Variants in CD4 observed in about 807,000 individuals in gnomAD.
CD4 encodes the protein CD4 molecule.
Under a neutral mutation model 50.5 loss-of-function variants are expected in CD4, and 25 were observed. The ratio of observed to expected loss-of-function variants is 0.49; its 90% confidence interval spans 0.36 to 0.69. CD4 has a LOEUF of 0.69. Ranked by LOEUF, CD4 falls within the 30% of genes least tolerant of loss-of-function variation. CD4 has a pLI of 0.00. For synonymous variants in CD4, 207 were observed against 221.9 expected, an observed-to-expected ratio of 0.93 and a Z score of 0.60; for missense variants, 456 against 548.5, an observed-to-expected ratio of 0.83 and a Z score of 1.68.
rs34744701 is a variant in CD4 at position 6,819,841 on chromosome 12, A to G, written c.*512A>G. The stretch of plus-strand genomic sequence containing the variant: ...CCCCATGCTGCCCGCTTCTCACCCT[A>G]TGTGGGTGGGACCACAGACTCACAT... On this transcript the variant is annotated 3_prime_UTR_variant, in exon 10 of 10. Transcript: ENST00000011653. 1.2e-5 allele frequency: 2 copies of G among 162,308 alleles called. No homozygotes were observed. The highest frequency in any genetic ancestry group is 4.8e-5 in the African/African-American group (2 of 41,706). 10.1% of individuals were successfully genotyped at this position (162,308 alleles called of 1,614,324 possible).
chr12:6,816,432 C>A lies in CD4; in HGVS notation c.955+29C>A. On this transcript the variant is annotated intron_variant, in intron 6 of 9. Coordinates refer to ENST00000011653, the MANE Select transcript of CD4 (RefSeq NM_000616.5). The surrounding 1 kb of genome is among the most constrained non-coding windows in gnomAD (Gnocchi z 4.9). ...AGGGGCCAGGCCAGGGAGGGGTGGGCAGGGGAAGGAGTTGGAGGGGCCTGG... is the reference window on the plus strand; with the variant it reads ...AGGGGCCAGGCCAGGGAGGGGTGGGAAGGGGAAGGAGTTGGAGGGGCCTGG... The A allele has an allele frequency of 2.0e-6, 3 of 1,538,140 alleles. No homozygotes were observed. Among genetic ancestry groups the A allele is most frequent in the Non-Finnish European group, 2.7e-6 (3 of 1,125,232 alleles).
chr12:6,816,517 CT>C lies in CD4; in HGVS notation c.955+115del. Reference sequence around the variant, plus strand: ...GAGGGGATGCCTAGGCCCTGGTCACCTGGATGAAGTGAGGGAGGGCCCTCTG... The same window carrying C: ...GAGGGGATGCCTAGGCCCTGGTCACCGGATGAAGTGAGGGAGGGCCCTCTG... On this transcript the variant is annotated intron_variant, in intron 6 of 9. Transcript: ENST00000011653. The surrounding 1 kb of genome is among the most constrained non-coding windows in gnomAD (Gnocchi z 4.9). The C allele has an allele frequency of 1.2e-6, 1 of 863,190 alleles. No homozygotes were observed. The highest frequency in any genetic ancestry group is 1.8e-6 in the Non-Finnish European group (1 of 566,042). 53.5% of individuals were successfully genotyped at this position (863,190 alleles called of 1,614,324 possible).
Position 6,794,775 on chromosome 12 carries a change from G to GTTTT in CD4, c.-68+5120_-68+5123dup, listed in dbSNP as rs763211966. 5.8e-4 allele frequency among the ~76,000 whole-genome samples: 65 copies of GTTTT among 112,520 alleles called. 1 individual carries two copies. The highest frequency in any genetic ancestry group is 8.5e-4 in the East Asian group (3 of 3,518). 73.8% of individuals were successfully genotyped at this position (112,520 alleles called of 152,430 possible). On this transcript the variant is annotated intron_variant, in intron 1 of 9. Transcript: ENST00000011653. ...ATCTAATCTATCTGTCTGTATGTCT[G>GTTTT]TTTTTTTTTTGTTTTTTTTTTTTTT...
At chr12:6,808,893 TG>T (rs1157813576) in intron 3 of CD4, among the ~76,000 whole-genome samples, 33 of 151,688 alleles carry the variant, frequency 2.2e-4, no homozygotes, top group South Asian at 8.3e-4. Context: ...TTAAAACTTT[TG>T]GGGGGGGCAA....
At chr12:6,809,658 C>T (rs1942879106) in intron 3 of CD4, among the ~76,000 whole-genome samples, 1 of 152,132 alleles carries the variant, frequency 6.6e-6, no homozygotes, top group African/African-American at 2.4e-5. Flanking sequence ...CCCCCTGCTG[C>T]AGCATTGCCT....
In CD4 at chr12:6,818,304, C is replaced by A. The variant is rs12226953; in HGVS notation, c.1157-117C>A. ...TTGAGAGCCCCCAGGCACCCCTCCCCTCTCCCCCAACCCCAGGGTCAAACC... is the reference window on the plus strand; with the variant it reads ...TTGAGAGCCCCCAGGCACCCCTCCCATCTCCCCCAACCCCAGGGTCAAACC... On this transcript the variant is annotated intron_variant, in intron 7 of 9. Coordinates refer to ENST00000011653, the MANE Select transcript of CD4 (RefSeq NM_000616.5). This position sits in a 1 kb window ranked among gnomAD's most constrained non-coding sequence, Gnocchi z 5.0. 7.5e-7 allele frequency: 1 copy of A among 1,339,342 alleles called. No homozygotes were observed. 83.0% of individuals were successfully genotyped at this position (1,339,342 alleles called of 1,614,324 possible).
At chr12:6,817,795 C>T (rs989558829) in intron 7 of CD4, among the ~76,000 whole-genome samples, 1 of 147,202 alleles carries the variant, frequency 6.8e-6, no homozygotes, top group African/African-American at 2.5e-5. Context: ...CCCACACTCT[C>T]ACCCCATGTA....
chr12:6,790,001 T>G (rs1942105440), intron 1 of CD4, among the ~76,000 whole-genome samples: 1 of 151,476 alleles, frequency 6.6e-6, no homozygotes, highest in African/African-American at 2.4e-5. Context: ...GGAAGGCAAC[T>G]AGTCGTGGGC....
intron 3 of CD4, among the ~76,000 whole-genome samples, chr12:6,808,105 C>G (rs1378382080): frequency 8.1e-6 from 1 of 122,750 alleles, no homozygotes; most frequent in African/African-American, 3.0e-5. Context: ...AAAAAAAAAG[C>G]AGGCAGGCAG....
intron 7 of CD4, 72 bp downstream of exon 7, chr12:6,817,402 A>C: frequency 7.5e-7 from 1 of 1,328,352 alleles, no homozygotes. Context: ...GAGACCACCC[A>C]GAGTCCCGGC....
rs566605614 is a variant in CD4 at position 6,790,479 on chromosome 12, TAA to T, written c.-68+820_-68+821del. On this transcript the variant is annotated intron_variant, in intron 1 of 9. Coordinates refer to ENST00000011653, the MANE Select transcript of CD4 (RefSeq NM_000616.5). ...CTGAGCTTTTGCGTATGAATTGCCC[TAA>T]AAGTTGCAGATACATATCTTTAGAT... 2.2e-3 allele frequency among the ~76,000 whole-genome samples: 342 copies of T among 152,346 alleles called. 3 individuals carry two copies. Among genetic ancestry groups the T allele is most frequent in the African/African-American group, 7.9e-3 (327 of 41,586 alleles).
chr12:6,795,129 T>C (rs1942333968), intron 1 of CD4, among the ~76,000 whole-genome samples: 1 of 151,974 alleles, frequency 6.6e-6, no homozygotes, highest in African/African-American at 2.4e-5. Flanking sequence ...TCTATCTATC[T>C]ATCTATCTAA....
At position 6,816,174 on chromosome 12, in the gene CD4, G is replaced by C; in HGVS notation, c.726G>C (p.Ala242=). 3 of 1,614,150 alleles carry C rather than the reference G, an allele frequency of 1.9e-6. No homozygotes were observed. Among genetic ancestry groups the C allele is most frequent in the Non-Finnish European group, 2.5e-6 (3 of 1,180,018 alleles). Residue 242 remains alanine, a synonymous_variant, in exon 6 of 10, where the codon GCG becomes GCC. Coordinates refer to ENST00000011653, the MANE Select transcript of CD4 (RefSeq NM_000616.5). This position sits in a 1 kb window ranked among gnomAD's most constrained non-coding sequence, Gnocchi z 4.9. ...GCAGTGGCGAGCTGTGGTGGCAGGC[G>C]GAGAGGGCTTCCTCCTCCAAGTCTT... ...LTGSGELWWQ[A]ERASSSKSWI...
intron 3 of CD4, among the ~76,000 whole-genome samples, chr12:6,801,558 AG>A (rs1163126528): frequency 1.4e-5 from 2 of 147,914 alleles, no homozygotes; most frequent in African/African-American, 5.0e-5. Context: ...TATTATTATT[AG>A]TTTATTTATT....
In CD4 at chr12:6,817,295, A is replaced by T. The variant is rs1555118121; in HGVS notation, c.1121A>T (p.Asp374Val). 1 of 1,569,382 alleles carries T rather than the reference A, an allele frequency of 6.4e-7. No homozygotes were observed. The highest frequency in any genetic ancestry group is 8.7e-7 in the Non-Finnish European group (1 of 1,155,982). ...EAGMWQCLLS[D>V]SGQVLLESNI... is the part of the protein sequence containing the mutation. Reference sequence around the variant, plus strand: ...GGGATGTGGCAGTGTCTGCTGAGTGACTCGGGACAGGTCCTGCTGGAATCC... The same window carrying T: ...GGGATGTGGCAGTGTCTGCTGAGTGTCTCGGGACAGGTCCTGCTGGAATCC... Residue 374 changes from aspartate to valine, a missense_variant, in exon 7 of 10, where the codon GAC (aspartate) becomes GTC (valine). By Grantham distance (152) the Asp-to-Val change is radical. Transcript: ENST00000011653.
At chr12:6,806,942 T>C (rs1591553813) in intron 3 of CD4, among the ~76,000 whole-genome samples, 4 of 151,810 alleles carry the variant, frequency 2.6e-5, no homozygotes, top group Non-Finnish European at 5.9e-5. Flanking sequence ...CCGAGGCGGG[T>C]GGATCACGAG....
chr12:6,795,317 C>A (rs1015701100), intron 1 of CD4, among the ~76,000 whole-genome samples: 14 of 151,726 alleles, frequency 9.2e-5, no homozygotes, highest in Non-Finnish European at 1.9e-4. Flanking sequence ...TATCTACCTA[C>A]CTGTCTATCT....
Position 6,820,065 on chromosome 12 carries a change from A to G in CD4, c.*736A>G, listed in dbSNP as rs969024139. On this transcript the variant is annotated 3_prime_UTR_variant, in exon 10 of 10. Transcript: ENST00000011653. The stretch of plus-strand genomic sequence containing the variant: ...ATGATTGATTACCAAGTGCCGGACT[A>G]GCAAGTGCTGGAGTCGGGACTAACC... The G allele has an allele frequency of 6.6e-6, 1 of 152,368 alleles. No individual in the cohort carries two copies. The highest frequency in any genetic ancestry group is 1.5e-5 in the Non-Finnish European group (1 of 68,084). The allele number at this position is 152,368 out of a possible 1,614,324, so 9.4% of individuals were successfully genotyped here. A position where few individuals can be genotyped will look rare whatever the true frequency, so the allele number is the denominator to read the frequency against.
chr12:6,796,057 G>C (rs1385371269), intron 1 of CD4, among the ~76,000 whole-genome samples: 4 of 152,216 alleles, frequency 2.6e-5, no homozygotes, highest in Non-Finnish European at 5.9e-5. Context: ...ATGGTGAATA[G>C]AGAAAGAAGA....
Sources: allele counts gnomAD v4.1 joint callset (sites outside exome capture counted in the v4.1 genomes callset), GRCh38; gene constraint gnomAD v4.1.1; non-coding constraint Gnocchi (gnomAD v3.1); transcripts MANE v1.5; gene names NCBI Gene and HGNC (gene_info 2026-07-23, HGNC 2026-07-21).